The following TNFRSF1B variants were observed in gnomAD, a reference collection of about 807,000 sequenced individuals.
The protein encoded by TNFRSF1B is TNF receptor superfamily member 1B.
In TNFRSF1B, 19 loss-of-function variants were observed where a neutral mutation model predicts 44.6. The observed-to-expected ratio is 0.43, with a 90% CI of 0.30 to 0.62. The LOEUF (loss-of-function observed/expected upper bound fraction) is 0.62, where lower values mean the gene tolerates loss of function less well. Ranked by LOEUF, TNFRSF1B falls within the 20% of genes least tolerant of loss-of-function variation. The pLI is 0.16. For synonymous variants in TNFRSF1B, 252 were observed against 261.1 expected, an observed-to-expected ratio of 0.97 and a Z score of 0.34; for missense variants, 541 against 619.9, an observed-to-expected ratio of 0.87 and a Z score of 1.35.
In TNFRSF1B at chr1:12,190,971, G is replaced by T. The variant is rs756172076; in HGVS notation, c.193G>T (p.Val65Phe). The change falls in exon 3 of 10, where the codon GTC becomes TTC. Residue 65 changes from valine to phenylalanine, a missense_variant. Coordinates refer to ENST00000376259, the MANE Select transcript of TNFRSF1B (RefSeq NM_001066.3). ...SKCSPGQHAK[V>F]FCTKTSDTVC... The stretch of plus-strand genomic sequence containing the variant: ...TGTTTCCTCAGGCCAACATGCAAAA[G>T]TCTTCTGTACCAAGACCTCGGACAC... The T allele has an allele frequency of 6.2e-7, 1 of 1,613,958 alleles. No homozygotes were observed. Among genetic ancestry groups the T allele is most frequent in the Non-Finnish European group, 8.5e-7 (1 of 1,179,902 alleles).
chr1:12,169,231 T>G lies in TNFRSF1B; in HGVS notation c.78+2062T>G, dbSNP rs1638468971. 6.6e-6 allele frequency among the ~76,000 whole-genome samples: 1 copy of G among 152,146 alleles called. No individual in the cohort carries two copies. The highest frequency in any genetic ancestry group is 1.5e-5 in the Non-Finnish European group (1 of 68,026). On this transcript the variant is annotated intron_variant, in intron 1 of 9. Transcript: ENST00000376259. This position sits in a 1 kb window ranked among gnomAD's most constrained non-coding sequence, Gnocchi z 4.5. Reference sequence around the variant, plus strand: ...TCTAGCTGTGTTTTATCCCCCTCAGTGGATGGAAGGTGTCTTCAGGGCCAG... The same window carrying G: ...TCTAGCTGTGTTTTATCCCCCTCAGGGGATGGAAGGTGTCTTCAGGGCCAG...
Position 12,187,205 on chromosome 1 carries a change from G to A in TNFRSF1B, c.79-1591G>A, listed in dbSNP as rs5745995. 1.7e-3 allele frequency among the ~76,000 whole-genome samples: 261 copies of A among 150,580 alleles called. No homozygotes were observed. The highest frequency in any genetic ancestry group is 6.0e-3 in the African/African-American group (243 of 40,826). On this transcript the variant is annotated intron_variant, in intron 1 of 9. Coordinates refer to ENST00000376259, the MANE Select transcript of TNFRSF1B (RefSeq NM_001066.3). The surrounding 1 kb of genome is among the most constrained non-coding windows in gnomAD (Gnocchi z 5.5). ...TTTTGCTCTGTCAATTAGGCTGGAA[G>A]TGCAGTGGCATGATCTCAGCTCACT...
At chr1:12,206,644 C>G in intron 9 of TNFRSF1B, 96 bp from the exon 10 acceptor site, 1 of 1,382,208 alleles carries the variant, frequency 7.2e-7, no homozygotes, top group Non-Finnish European at 9.7e-7. Flanking sequence ...GCCCAGTGCT[C>G]TTTCCCATGT....
At position 12,208,372 on chromosome 1, in the gene TNFRSF1B, C is replaced by G. The variant is rs530235861; in HGVS notation, c.*1352C>G. 1 of 152,806 alleles carries G rather than the reference C, an allele frequency of 6.5e-6. No individual in the cohort carries two copies. The highest frequency in any genetic ancestry group is 2.4e-5 in the African/African-American group (1 of 41,464). The allele number at this position is 152,806 out of a possible 1,614,324, so 9.5% of individuals were successfully genotyped here. A position where few individuals can be genotyped will look rare whatever the true frequency, so the allele number is the denominator to read the frequency against. On this transcript the variant is annotated 3_prime_UTR_variant, in exon 10 of 10. Transcript: ENST00000376259. ...AATTCCTGGGCCCCAAACGGGCTGC[C>G]CTGCCACTTTGGTACATGGCCAGTG...
rs1196297243 is a variant in TNFRSF1B at position 12,187,122 on chromosome 1, CT to C, written c.79-1673del. Among the ~76,000 whole-genome samples, 13 of 151,432 alleles carry C rather than the reference CT, an allele frequency of 8.6e-5. No homozygotes were observed. Among genetic ancestry groups the C allele is most frequent in the Non-Finnish European group, 1.5e-4 (10 of 67,916 alleles). ...TCCTCTGTCCAGGGCTGTAGCTTCT[CT>C]GGGTGCCTTTGCTTTTCTCTTTTCT... On this transcript the variant is annotated intron_variant, in intron 1 of 9. Coordinates refer to ENST00000376259, the MANE Select transcript of TNFRSF1B (RefSeq NM_001066.3). This position sits in a 1 kb window ranked among gnomAD's most constrained non-coding sequence, Gnocchi z 5.5.
intron 8 of TNFRSF1B, among the ~76,000 whole-genome samples, chr1:12,200,397 T>G (rs1473100232): frequency 6.6e-6 from 1 of 151,922 alleles, no homozygotes; most frequent in Non-Finnish European, 1.5e-5. Flanking sequence ...CCGGAATGAT[T>G]GACTGAGCGC....
Position 12,172,948 on chromosome 1 carries a change from A to G in TNFRSF1B, c.78+5779A>G, listed in dbSNP as rs111787782. On this transcript the variant is annotated intron_variant, in intron 1 of 9. Coordinates refer to ENST00000376259, the MANE Select transcript of TNFRSF1B (RefSeq NM_001066.3). The stretch of plus-strand genomic sequence containing the variant: ...CATCTCCAAAACCTCTTCCATCTCC[A>G]ACCTCTGTGCTGCTGAAGGTTCTGT... 5.3e-3 allele frequency among the ~76,000 whole-genome samples: 803 copies of G among 152,286 alleles called. 9 individuals carry two copies. Among genetic ancestry groups the G allele is most frequent in the African/African-American group, 0.018 (761 of 41,540 alleles).
intron 3 of TNFRSF1B, among the ~76,000 whole-genome samples, chr1:12,191,482 T>TTC (rs1557633956): frequency 1.3e-4 from 18 of 138,132 alleles, no homozygotes; most frequent in Admixed American, 7.0e-5. Context: ...AGCGGGACTG[T>TTC]GGGGAGGAGC....
rs201872077 is a variant in TNFRSF1B at position 12,202,038 on chromosome 1, G to C, written c.972G>C (p.Pro324=). The change falls in exon 9 of 10, where the codon CCG becomes CCC. Residue 324 remains proline (P), a synonymous_variant. Coordinates refer to ENST00000376259, the MANE Select transcript of TNFRSF1B (RefSeq NM_001066.3). ...PEQQHLLITA[P]SSSSSSLESS... is the part of the protein sequence containing the mutation. ...AGCAGCACCTGCTGATCACAGCGCC[G>C]AGCTCCAGCAGCAGCTCCCTGGAGA... 2.5e-5 allele frequency: 40 copies of C among 1,611,482 alleles called. No individual in the cohort carries two copies. The Admixed American group carries it at 6.0e-4, about 24-fold the overall frequency.
Position 12,191,764 on chromosome 1 carries a change from G to A in TNFRSF1B, c.308-10G>A, listed in dbSNP as rs1275801106. ...AGGCGTGACCGTTTGCCGCCCTCTC[G>A]CTGCTCTAGACCAGGTGGAAACTCA... On this transcript the variant is annotated splice_polypyrimidine_tract_variant and intron_variant, in intron 3 of 9. Coordinates refer to ENST00000376259, the MANE Select transcript of TNFRSF1B (RefSeq NM_001066.3). 49 of 1,613,026 alleles carry A rather than the reference G, an allele frequency of 3.0e-5. No individual in the cohort carries two copies. Among genetic ancestry groups the A allele is most frequent in the Non-Finnish European group, 3.9e-5 (46 of 1,179,698 alleles).
chr1:12,181,546 C>T (rs551142442), intron 1 of TNFRSF1B, among the ~76,000 whole-genome samples: 80 of 152,292 alleles, frequency 5.3e-4, no homozygotes, highest in African/African-American at 1.9e-3. Flanking sequence ...CTACCCTGAC[C>T]TCCTGGCGGT....
chr1:12,179,050 G>A (rs1226094559), intron 1 of TNFRSF1B, among the ~76,000 whole-genome samples: 3 of 152,072 alleles, frequency 2.0e-5, no homozygotes, highest in Non-Finnish European at 4.4e-5. Context: ...AGGCTGGGGC[G>A]TCTCTCATTA....
chr1:12,173,859 C>T (rs748972866), intron 1 of TNFRSF1B, among the ~76,000 whole-genome samples: 3 of 152,140 alleles, frequency 2.0e-5, no homozygotes, highest in African/African-American at 4.8e-5. Context: ...TCCACTGTGG[C>T]GTGTAGTGAT....
intron 8 of TNFRSF1B, among the ~76,000 whole-genome samples, chr1:12,198,076 C>T (rs1471382436): frequency 6.8e-5 from 10 of 147,396 alleles, no homozygotes; most frequent in African/African-American, 1.8e-4. Flanking sequence ...GTACTGAGAT[C>T]GCACCACTGC....
intron 9 of TNFRSF1B, among the ~76,000 whole-genome samples, chr1:12,202,814 C>T (rs1340656561): frequency 6.6e-6 from 1 of 152,232 alleles, no homozygotes; most frequent in Non-Finnish European, 1.5e-5. Context: ...TCTTCAAGGG[C>T]ACATGGCTAG....
At chr1:12,174,266 C>G (rs547549144) in intron 1 of TNFRSF1B, among the ~76,000 whole-genome samples, 1 of 142,564 alleles carries the variant, frequency 7.0e-6, no homozygotes. Context: ...CCTTCTTCTT[C>G]TGATGGAGTC....
chr1:12,172,676 G>A (rs1203929899), intron 1 of TNFRSF1B, among the ~76,000 whole-genome samples: 1 of 152,218 alleles, frequency 6.6e-6, no homozygotes, highest in East Asian at 1.9e-4. Flanking sequence ...GCCTTTTCCT[G>A]TCTGTGCTTC....
intron 6 of TNFRSF1B, 111 bp downstream of exon 6, chr1:12,193,209 T>A: frequency 1.0e-6 from 1 of 976,322 alleles, no homozygotes; most frequent in Non-Finnish European, 1.6e-6. Context: ...CTGGACCCTG[T>A]GCCCTGTCCT....
chr1:12,201,264 A>AT (rs1346747664), intron 8 of TNFRSF1B, among the ~76,000 whole-genome samples: 1 of 151,082 alleles, frequency 6.6e-6, no homozygotes, highest in Non-Finnish European at 1.5e-5. Context: ...CTGTCTCAAA[A>AT]AAAAAAAAAA....
Sources: gnomAD v4.1 joint callset for allele counts (sites outside exome capture counted in the v4.1 genomes callset) on GRCh38, gnomAD v4.1.1 for gene constraint, Gnocchi (gnomAD v3.1) non-coding constraint, MANE v1.5 for transcripts, NCBI Gene and HGNC (gene_info 2026-07-23, HGNC 2026-07-21) for gene names.